Variants in MAF observed in about 807,000 individuals in gnomAD.
The protein encoded by MAF is transcription factor Maf.
Under a neutral mutation model 22.0 loss-of-function variants are expected in MAF, and 10 were observed. The observed-to-expected ratio is 0.45, with a 90% CI of 0.28 to 0.77. MAF has a LOEUF of 0.77. Ranked by LOEUF, MAF falls within the 30% of genes least tolerant of loss-of-function variation. The pLI is 0.12. For synonymous variants in MAF, 337 were observed against 255.8 expected, an observed-to-expected ratio of 1.32 and a Z score of -3.03; for missense variants, 544 against 548.4, an observed-to-expected ratio of 0.99 and a Z score of 0.08.
chr16:79,211,884 C>A, the MAF span: 1 of 1,582,174 alleles, frequency 6.3e-7, no homozygotes, highest in Non-Finnish European at 8.6e-7. Flanking sequence ...CCAAATGTCC[C>A]TCCAACACAG....
chr16:79,457,662 G>C, the MAF span, among the ~76,000 whole-genome samples: 4 of 152,046 alleles, frequency 2.6e-5, no homozygotes, highest in Admixed American at 2.6e-4. Flanking sequence ...ACAGGGGTGA[G>C]GGGACTCTAG....
At chr16:79,204,330 C>T in the MAF span, 11 of 152,046 alleles carry the variant, frequency 7.2e-5, no homozygotes, top group Non-Finnish European at 1.2e-4. Context: ...TTTGGGCAGG[C>T]ACAAATGGAA....
At chr16:79,542,237 C>A in the MAF span, among the ~76,000 whole-genome samples, 1 of 152,106 alleles carries the variant, frequency 6.6e-6, no homozygotes, top group Non-Finnish European at 1.5e-5. Context: ...AACAGGAAGT[C>A]CAAGCGAGCT....
the MAF span, among the ~76,000 whole-genome samples, chr16:79,457,391 T>TG: frequency 6.7e-6 from 1 of 149,228 alleles, no homozygotes; most frequent in Non-Finnish European, 1.5e-5. Context: ...GCACTTTGGT[T>TG]TTTTTTTTTT....
the MAF span, among the ~76,000 whole-genome samples, chr16:79,309,115 AAAGTCAGTGTTCCATCT>A: frequency 6.6e-6 from 1 of 152,196 alleles, no homozygotes; most frequent in Admixed American, 6.5e-5. Flanking sequence ...ATAGCAGTGC[AAAGTCAGTGTTCCATCT>A]AAGCCTTGGA....
chr16:79,596,316 G>A, intron 1 of MAF: 3 of 1,059,674 alleles, frequency 2.8e-6, no homozygotes, highest in Non-Finnish European at 3.4e-6. Flanking sequence ...ATCAGTATAT[G>A]GGGCCAGCCT....
At chr16:79,330,848 A>G in the MAF span, among the ~76,000 whole-genome samples, 1 of 152,220 alleles carries the variant, frequency 6.6e-6, no homozygotes, top group Non-Finnish European at 1.5e-5. Flanking sequence ...GTGCCTAGGC[A>G]GTTGGTTAAA....
chr16:79,450,614 A>G, the MAF span, among the ~76,000 whole-genome samples: 4 of 152,326 alleles, frequency 2.6e-5, no homozygotes, highest in African/African-American at 4.8e-5. Flanking sequence ...AGTTCAAACA[A>G]TGCTGTTCTG....
the MAF span, among the ~76,000 whole-genome samples, chr16:79,561,259 G>C: frequency 1.3e-5 from 2 of 150,568 alleles, no homozygotes; most frequent in East Asian, 3.9e-4. Flanking sequence ...TTTTTTCCTA[G>C]ATGTCCTTTA....
chr16:79,428,496 G>C, the MAF span, among the ~76,000 whole-genome samples: 3 of 152,128 alleles, frequency 2.0e-5, no homozygotes. Flanking sequence ...AGGAGATAGA[G>C]AGAGACAGAG....
chr16:79,317,913 T>TTCAC, the MAF span, among the ~76,000 whole-genome samples: 3,170 of 144,526 alleles, frequency 0.022, 76 homozygotes, highest in African/African-American at 0.059. Context: ...CATTCATTCA[T>TTCAC]TCACTCACTC....
the MAF span, among the ~76,000 whole-genome samples, chr16:79,311,991 C>T: frequency 1.3e-5 from 2 of 152,118 alleles, no homozygotes; most frequent in Non-Finnish European, 2.9e-5. Flanking sequence ...TGATTAAAGT[C>T]CACTTCCCCA....
the MAF span, among the ~76,000 whole-genome samples, chr16:79,322,807 A>G: frequency 3.3e-5 from 5 of 151,982 alleles, no homozygotes; most frequent in South Asian, 1.0e-3. Context: ...CCCTGTAGTC[A>G]GCTCACCGGA....
the MAF span, among the ~76,000 whole-genome samples, chr16:79,280,570 G>C: frequency 1.5e-3 from 227 of 152,304 alleles, 3 homozygotes; most frequent in African/African-American, 5.3e-3. Flanking sequence ...TGTCTTTTGA[G>C]TTTCCTAGGG....
At chr16:79,493,853 G>C in the MAF span, among the ~76,000 whole-genome samples, 57 of 151,136 alleles carry the variant, frequency 3.8e-4, no homozygotes, top group African/African-American at 1.2e-3. Context: ...CTTATCAAGA[G>C]CAAAGACCTG....
the MAF span, among the ~76,000 whole-genome samples, chr16:79,315,493 G>C: frequency 6.6e-6 from 1 of 151,960 alleles, no homozygotes; most frequent in South Asian, 2.1e-4. Context: ...CTGTTAATAG[G>C]TGCCACACAT....
At chr16:79,262,955 G>C in the MAF span, among the ~76,000 whole-genome samples, 1 of 152,184 alleles carries the variant, frequency 6.6e-6, no homozygotes, top group Non-Finnish European at 1.5e-5. Flanking sequence ...AGGACAATCA[G>C]ATACACATTT....
the MAF span, among the ~76,000 whole-genome samples, chr16:79,366,506 T>C: frequency 6.6e-6 from 1 of 152,220 alleles, no homozygotes; most frequent in Non-Finnish European, 1.5e-5. Flanking sequence ...CTCATATATT[T>C]AAGATTTCCT....
chr16:79,474,519 C>G, the MAF span, among the ~76,000 whole-genome samples: 1 of 151,952 alleles, frequency 6.6e-6, no homozygotes, highest in East Asian at 1.9e-4. Context: ...TCTGCCAAGC[C>G]CAGCATGCTT....
Sources: allele counts gnomAD v4.1 joint callset (sites outside exome capture counted in the v4.1 genomes callset), GRCh38; gene constraint gnomAD v4.1.1; transcripts MANE v1.5; gene names NCBI Gene and HGNC (gene_info 2026-07-23, HGNC 2026-07-21).